The following GRAP2 variants were observed in gnomAD, a reference collection of about 807,000 sequenced individuals.
GRAP2 encodes the protein GRB2 related adaptor protein 2, also known as GRB2-related adapter protein 2.
In GRAP2, 31 loss-of-function variants were observed where a neutral mutation model predicts 43.5. The ratio of observed to expected loss-of-function variants is 0.71; its 90% CI spans 0.54 to 0.96. The LOEUF is 0.96. Ranked by LOEUF, GRAP2 falls within the 40% of genes least tolerant of loss-of-function variation. GRAP2 has a pLI of 0.00. For missense variants in GRAP2, 371 were observed against 424.4 expected (o/e 0.87, Z 1.11); for synonymous variants, 156 against 164.8 (o/e 0.95, Z 0.41).
intron 1 of GRAP2, among the ~76,000 whole-genome samples, chr22:39,904,067 A>G (rs1315289877): frequency 2.6e-5 from 4 of 152,234 alleles, no homozygotes; most frequent in Middle Eastern, 3.2e-3. Flanking sequence ...ATACTCTCCA[A>G]AGAAAATGTT....
intron 3 of GRAP2, among the ~76,000 whole-genome samples, chr22:39,956,154 A>G (rs1291584778): frequency 2.7e-5 from 4 of 150,638 alleles, no homozygotes; most frequent in African/African-American, 4.9e-5. Flanking sequence ...AGTTGTTCTT[A>G]ACTTTTTTTT....
At chr22:39,939,090 A>G (rs1340422256) in intron 1 of GRAP2, among the ~76,000 whole-genome samples, 2 of 152,170 alleles carry the variant, frequency 1.3e-5, no homozygotes, top group South Asian at 2.1e-4. Flanking sequence ...TTTAGAGGAC[A>G]CTCAAATCCC....
chr22:39,915,645 T>G (rs779721470), intron 1 of GRAP2, among the ~76,000 whole-genome samples: 9 of 152,184 alleles, frequency 5.9e-5, no homozygotes, highest in Non-Finnish European at 1.2e-4. Context: ...GAAGTTACTT[T>G]CAAAGGAAAG....
At chr22:39,954,186 C>T (rs961446490) in intron 2 of GRAP2, among the ~76,000 whole-genome samples, 3 of 152,216 alleles carry the variant, frequency 2.0e-5, no homozygotes, top group African/African-American at 7.2e-5. Flanking sequence ...TATCATCACA[C>T]TTCTATCAGT....
chr22:39,963,572 T>C (rs2067140381), intron 4 of GRAP2, among the ~76,000 whole-genome samples: 1 of 152,164 alleles, frequency 6.6e-6, no homozygotes, highest in Non-Finnish European at 1.5e-5. Context: ...GTGATTGCAA[T>C]ATGTTGATTA....
intron 2 of GRAP2, among the ~76,000 whole-genome samples, chr22:39,952,083 A>G (rs555513759): frequency 4.7e-4 from 71 of 150,216 alleles, no homozygotes; most frequent in Non-Finnish European, 8.9e-4. Flanking sequence ...CTGGAGTGCA[A>G]TGGCGCAATC....
intron 1 of GRAP2, among the ~76,000 whole-genome samples, chr22:39,911,021 A>G (rs2066559986): frequency 2.0e-5 from 3 of 152,128 alleles, no homozygotes; most frequent in Admixed American, 6.5e-5. Flanking sequence ...CAATCTTCCT[A>G]AGTAAGATAG....
At chr22:39,910,650 G>A (rs2267414) in intron 1 of GRAP2, among the ~76,000 whole-genome samples, 21,262 of 150,534 alleles carry the variant, frequency 0.14, 2,389 homozygotes, top group East Asian at 0.65. Flanking sequence ...ATTGTGATCC[G>A]CCTGCCTCGG....
Position 39,973,555 on chromosome 22 carries a change from A to T in GRAP2, c.*2471A>T. On this transcript the variant is annotated 3_prime_UTR_variant, in exon 8 of 8. Transcript: ENST00000344138. ...ATGCCAAAGCATCTTTCCCTTGCTC[A>T]TCAGCCTCCATTCAGAAGGAAGCGG... 6.6e-6 allele frequency: 1 copy of T among 152,262 alleles called. No homozygotes were observed. Among genetic ancestry groups the T allele is most frequent in the East Asian group, 1.9e-4 (1 of 5,188 alleles). The allele number at this position is 152,262 out of a possible 1,614,324, so 9.4% of individuals were successfully genotyped here.
At position 39,960,150 on chromosome 22, in the gene GRAP2, C is replaced by T. The variant is rs2067102555; in HGVS notation, c.266C>T (p.Pro89Leu). The T allele has an allele frequency of 3.1e-6, 5 of 1,613,648 alleles. No individual in the cohort carries two copies. The highest frequency in any genetic ancestry group is 3.4e-6 in the Non-Finnish European group (4 of 1,179,508). Reference protein sequence around the residue: ...FFIIRASQSSPGDFSISVRHE... With the variant: ...FFIIRASQSSLGDFSISVRHE... ...ATCATCCGGGCCAGCCAGAGCTCCC[C>T]AGGGGACTTCTCCATCTCTGTCAGG... Residue 89 changes from proline to leucine, a missense_variant, in exon 4 of 8, where the codon CCA (proline) becomes CTA (leucine). Pro to Leu is a moderately conservative substitution (Grantham distance 98). Coordinates refer to ENST00000344138, the MANE Select transcript of GRAP2 (RefSeq NM_004810.4).
intron 1 of GRAP2, among the ~76,000 whole-genome samples, chr22:39,909,253 A>C (rs1281831602): frequency 6.6e-6 from 1 of 152,212 alleles, no homozygotes; most frequent in Non-Finnish European, 1.5e-5. Context: ...CCAAATAATC[A>C]AAGAAGGAGA....
chr22:39,948,950 T>C (rs1383155503), intron 2 of GRAP2, among the ~76,000 whole-genome samples: 8 of 152,286 alleles, frequency 5.3e-5, no homozygotes, highest in Admixed American at 6.5e-5. Context: ...CTTTCTGATT[T>C]TTCTTCTCAC....
intron 1 of GRAP2, among the ~76,000 whole-genome samples, chr22:39,936,541 CTT>C (rs952517782): frequency 7.9e-5 from 12 of 152,114 alleles, no homozygotes; most frequent in African/African-American, 2.7e-4. Flanking sequence ...GCGAGATACA[CTT>C]TCTCTAACTG....
the GRAP2 span, among the ~76,000 whole-genome samples, chr22:39,894,513 C>A: frequency 6.6e-6 from 1 of 152,086 alleles, no homozygotes; most frequent in Non-Finnish European, 1.5e-5. Context: ...CACATGAATA[C>A]ATTTTTAAAA....
chr22:39,924,526 C>A (rs952348561), intron 1 of GRAP2, among the ~76,000 whole-genome samples: 7 of 152,146 alleles, frequency 4.6e-5, no homozygotes, highest in Non-Finnish European at 1.0e-4. Context: ...CATAGTGAAA[C>A]CCTATCTCTA....
intron 1 of GRAP2, among the ~76,000 whole-genome samples, chr22:39,936,778 T>C (rs1046746098): frequency 6.6e-5 from 10 of 152,094 alleles, no homozygotes; most frequent in Non-Finnish European, 1.2e-4. Context: ...TTAGCTGAGA[T>C]TGTTTCCATT....
At chr22:39,960,734 G>C (rs2067110824) in intron 4 of GRAP2, 1 of 153,002 alleles carries the variant, frequency 6.5e-6, no homozygotes, top group African/African-American at 2.4e-5. Context: ...CTACAAGACA[G>C]GTTAACAAGA....
intron 5 of GRAP2, among the ~76,000 whole-genome samples, chr22:39,967,233 A>G (rs759845994): frequency 9.2e-5 from 14 of 152,198 alleles, no homozygotes; most frequent in Non-Finnish European, 1.9e-4. Context: ...CAAAGGAGAA[A>G]AGAAGTTACC....
chr22:39,915,313 G>A (rs1007330622), intron 1 of GRAP2, among the ~76,000 whole-genome samples: 2 of 151,956 alleles, frequency 1.3e-5, no homozygotes, highest in African/African-American at 4.8e-5. Flanking sequence ...CACTGCTCAA[G>A]GTAAACACCC....
Sources: gnomAD v4.1 joint callset for allele counts (sites outside exome capture counted in the v4.1 genomes callset) on GRCh38, gnomAD v4.1.1 for gene constraint, MANE v1.5 for transcripts, NCBI Gene and HGNC (gene_info 2026-07-23, HGNC 2026-07-21) for gene names.